Variants in DOK6 observed in about 807,000 individuals in gnomAD.
DOK6 encodes the protein docking protein 6.
Under a neutral mutation model 44.0 loss-of-function variants are expected in DOK6, and 22 were observed. That is an observed-to-expected ratio of 0.50 (90% CI 0.36 to 0.71). The LOEUF (loss-of-function observed/expected upper bound fraction) is 0.71. Ranked by LOEUF, DOK6 falls within the 30% of genes least tolerant of loss-of-function variation. DOK6 has a pLI of 0.00. For synonymous variants in DOK6, 166 were observed against 145.5 expected (o/e 1.14, Z -1.01); for missense variants, 340 against 416.4 (o/e 0.82, Z 1.60).
In DOK6 at chr18:69,430,235, C is replaced by G. The variant is rs139637409; in HGVS notation, c.66+28925C>G. On this transcript the variant is annotated intron_variant, in intron 1 of 7. Transcript: ENST00000382713. ...ATCAAAACTGTCATCTTTTTAACATCCAATTTTAGAATATTTATTATGCCT... is the reference window on the plus strand; with the variant it reads ...ATCAAAACTGTCATCTTTTTAACATGCAATTTTAGAATATTTATTATGCCT... 3.6e-3 allele frequency among the ~76,000 whole-genome samples: 549 copies of G among 152,212 alleles called. 3 individuals are homozygous for G. Among genetic ancestry groups the G allele is most frequent in the African/African-American group, 0.013 (526 of 41,536 alleles).
At chr18:69,470,631 ACT>A (rs1235681863) in intron 1 of DOK6, among the ~76,000 whole-genome samples, 4 of 150,740 alleles carry the variant, frequency 2.7e-5, no homozygotes, top group African/African-American at 9.8e-5. Context: ...CACCCTGAAG[ACT>A]CTCTGCTTAG....
intron 1 of DOK6, among the ~76,000 whole-genome samples, chr18:69,497,104 A>C (rs1980912328): frequency 6.6e-6 from 1 of 152,172 alleles, no homozygotes; most frequent in African/African-American, 2.4e-5. Flanking sequence ...GTTAGTATTG[A>C]CCATCCATGC....
intron 1 of DOK6, among the ~76,000 whole-genome samples, chr18:69,487,219 G>GTGTC (rs1208248933): frequency 4.4e-5 from 6 of 135,376 alleles, no homozygotes; most frequent in Non-Finnish European, 9.7e-5. Context: ...GTGTGTGTGT[G>GTGTC]TGTCTGTCTG....
chr18:69,839,716 T>C (rs1023184066), intron 7 of DOK6, among the ~76,000 whole-genome samples: 2 of 152,020 alleles, frequency 1.3e-5, no homozygotes, highest in Non-Finnish European at 2.9e-5. Flanking sequence ...GGCAGGACCC[T>C]GGGAGAGAGG....
At chr18:69,791,096 C>T (rs1980582371) in intron 7 of DOK6, among the ~76,000 whole-genome samples, 1 of 152,106 alleles carries the variant, frequency 6.6e-6, no homozygotes, top group South Asian at 2.1e-4. Flanking sequence ...CATGTTGTTA[C>T]CAATGACAGG....
intron 3 of DOK6, among the ~76,000 whole-genome samples, chr18:69,649,114 C>A (rs1006795557): frequency 6.6e-6 from 1 of 152,222 alleles, no homozygotes; most frequent in African/African-American, 2.4e-5. Context: ...GTGGATATGT[C>A]CATTCCCAAG....
chr18:69,491,680 A>G (rs1202003413), intron 1 of DOK6, among the ~76,000 whole-genome samples: 5 of 152,208 alleles, frequency 3.3e-5, no homozygotes, highest in Non-Finnish European at 7.3e-5. Flanking sequence ...AATTCCAGGC[A>G]TGACTGAGGG....
intron 6 of DOK6, among the ~76,000 whole-genome samples, chr18:69,742,385 G>C (rs1379416164): frequency 1.4e-5 from 2 of 146,098 alleles, no homozygotes; most frequent in Admixed American, 1.4e-4. Flanking sequence ...TTGCACTCTA[G>C]CTTGGGCAAC....
intron 1 of DOK6, among the ~76,000 whole-genome samples, chr18:69,484,246 A>G (rs923481136): frequency 6.6e-5 from 10 of 150,926 alleles, no homozygotes; most frequent in African/African-American, 2.0e-4. Context: ...TTTCTATGTA[A>G]TACGTATATG....
Position 69,840,741 on chromosome 18 carries a change from G to A in DOK6, c.857-503G>A, listed in dbSNP as rs150957964. Among the ~76,000 whole-genome samples the A allele has an allele frequency of 8.7e-3, 1,321 of 152,266 alleles. 21 individuals carry two copies. Among genetic ancestry groups the A allele is most frequent in the East Asian group, 0.075 (389 of 5,178 alleles). ...AGTCAGAATCTCTATCATTGTAAAA[G>A]CTTTCTTTCTGATAATTCATGGTTA... On this transcript the variant is annotated intron_variant, in intron 7 of 7. Coordinates refer to ENST00000382713, the MANE Select transcript of DOK6 (RefSeq NM_152721.6).
At chr18:69,724,059 C>T (rs2144725908) in intron 5 of DOK6, among the ~76,000 whole-genome samples, 1 of 152,298 alleles carries the variant, frequency 6.6e-6, no homozygotes, top group South Asian at 2.1e-4. Context: ...TTTTAATTCT[C>T]TCATTTTCTA....
chr18:69,680,580 T>C (rs1339666637), intron 4 of DOK6, among the ~76,000 whole-genome samples: 2 of 152,182 alleles, frequency 1.3e-5, no homozygotes, highest in African/African-American at 4.8e-5. Flanking sequence ...TCTTGCTAGC[T>C]CAATAATCTA....
Position 69,607,665 on chromosome 18 carries a change from C to T in DOK6, c.289+8167C>T, listed in dbSNP as rs139596897. On this transcript the variant is annotated intron_variant, in intron 3 of 7. Coordinates refer to ENST00000382713, the MANE Select transcript of DOK6 (RefSeq NM_152721.6). Reference sequence around the variant, plus strand: ...AATTTATATGGAATAATATCTATGACTAACCAAAGACAATATGTTAAAGTC... The same window carrying T: ...AATTTATATGGAATAATATCTATGATTAACCAAAGACAATATGTTAAAGTC... Among the ~76,000 whole-genome samples, 19 of 152,196 alleles carry T rather than the reference C, an allele frequency of 1.2e-4. No homozygotes were observed. In the East Asian group the frequency reaches 3.1e-3, roughly 25 times the overall value.
chr18:69,498,505 T>A (rs1980958096), intron 1 of DOK6, among the ~76,000 whole-genome samples: 1 of 152,218 alleles, frequency 6.6e-6, no homozygotes, highest in Non-Finnish European at 1.5e-5. Context: ...ACTATAATTC[T>A]TTATTTTGGA....
chr18:69,531,412 AATAATT>A (rs1981982936), intron 1 of DOK6, among the ~76,000 whole-genome samples: 1 of 151,624 alleles, frequency 6.6e-6, no homozygotes, highest in South Asian at 2.1e-4. Context: ...CTAGTTGAAT[AATAATT>A]ATAACTGTCT....
intron 5 of DOK6, among the ~76,000 whole-genome samples, chr18:69,701,434 A>G (rs1986518268): frequency 6.6e-6 from 1 of 152,252 alleles, no homozygotes; most frequent in African/African-American, 2.4e-5. Context: ...AGACCTTCAG[A>G]GGAAGTGATA....
rs1386335296 is a variant in DOK6, at chr18:69,774,155, T to TATATATATATATATATATAA, written c.856+16283_856+16284insTATATATATATATATATAAA. Reference sequence around the variant, plus strand: ...TGAGATATATATATATATATATATATAATGTAATACTACTCAGTCATAAAA... The same window carrying TATATATATATATATATATAA: ...TGAGATATATATATATATATATATATATATATATATATATATATAAAATGTAATACTACTCAGTCATAAAA... On this transcript the variant is annotated intron_variant, in intron 7 of 7. Transcript: ENST00000382713. Among the ~76,000 whole-genome samples, 2 of 118,400 alleles carry TATATATATATATATATATAA rather than the reference T, an allele frequency of 1.7e-5. 1 individual carries two copies. The highest frequency in any genetic ancestry group is 3.8e-5 in the Non-Finnish European group (2 of 52,348). The allele number at this position is 118,400 out of a possible 152,430, so 77.7% of individuals were successfully genotyped here.
chr18:69,579,652 C>A (rs1270689253), intron 2 of DOK6, among the ~76,000 whole-genome samples: 1 of 152,046 alleles, frequency 6.6e-6, no homozygotes, highest in Non-Finnish European at 1.5e-5. Flanking sequence ...CAACCTCCAG[C>A]TCCCTCGTTC....
In DOK6 at chr18:69,612,460, T is replaced by TGTGTGAGAGGGC. The variant is rs1568311320; in HGVS notation, c.289+12963_289+12964insTGTGAGAGGGCG. Among the ~76,000 whole-genome samples the TGTGTGAGAGGGC allele has an allele frequency of 2.6e-5, 2 of 77,630 alleles. 1 individual carries two copies. The highest frequency in any genetic ancestry group is 5.3e-5 in the Non-Finnish European group (2 of 37,506). The allele number at this position is 77,630 out of a possible 152,430, so 50.9% of individuals were successfully genotyped here. On this transcript the variant is annotated intron_variant, in intron 3 of 7. Transcript: ENST00000382713. ...GTGCGAGGGCGCATGTGTGCGAGCG[T>TGTGTGAGAGGGC]GCATATGTATTTCTTGCTCTTTTCT...
Sources: gnomAD v4.1 joint callset for allele counts (sites outside exome capture counted in the v4.1 genomes callset) on GRCh38, gnomAD v4.1.1 for gene constraint, MANE v1.5 for transcripts, NCBI Gene and HGNC (gene_info 2026-07-23, HGNC 2026-07-21) for gene names.